Variants in FMN1 observed in about 807,000 individuals in gnomAD.
FMN1 encodes formin-1.
In FMN1, 110 loss-of-function variants were observed where a neutral mutation model predicts 132.4. The observed-to-expected ratio is 0.83, with a 90% CI of 0.71 to 0.97. The LOEUF is 0.97. Ranked by LOEUF, FMN1 falls within the 50% of genes least tolerant of loss-of-function variation. The probability of loss-of-function intolerance (pLI) is 0.00; values close to 1 mark genes in which losing one functional copy is unlikely to be tolerated. For missense variants in FMN1, 1,792 were observed against 1,705.3 expected, an observed-to-expected ratio of 1.05 and a Z score of -0.90; for synonymous variants, 722 against 651.7, an observed-to-expected ratio of 1.11 and a Z score of -1.64.
intron 7 of FMN1, among the ~76,000 whole-genome samples, chr15:32,983,413 G>A (rs909478148): frequency 6.6e-6 from 1 of 152,176 alleles, no homozygotes; most frequent in African/African-American, 2.4e-5. Context: ...TAATGGAAAT[G>A]TTCTACATCC....
intron 6 of FMN1, among the ~76,000 whole-genome samples, chr15:33,013,687 TAAG>T (rs747246944): frequency 1.3e-5 from 2 of 152,192 alleles, no homozygotes; most frequent in African/African-American, 4.8e-5. Flanking sequence ...ATTCATAAAA[TAAG>T]AAGCAGAAAG....
In FMN1 at chr15:32,769,776, T is replaced by C. The variant is rs567212505; in HGVS notation, c.*4534A>G. 4 of 152,350 alleles carry C rather than the reference T, an allele frequency of 2.6e-5. No homozygotes were observed. The East Asian group carries it at 5.8e-4, about 22-fold the overall frequency. 9.4% of individuals were successfully genotyped at this position (152,350 alleles called of 1,614,324 possible). A position where few individuals can be genotyped will look rare whatever the true frequency, so the allele number is the denominator to read the frequency against. The stretch of plus-strand genomic sequence containing the variant: ...TGCAGATTTCTTTATGAGGTCAAAG[T>C]AGCAGACATGAATGAAAGTTCACTT... On this transcript the variant is annotated 3_prime_UTR_variant, in exon 21 of 21. Coordinates refer to ENST00000616417, the MANE Select transcript of FMN1 (RefSeq NM_001277313.2).
intron 7 of FMN1, among the ~76,000 whole-genome samples, chr15:32,972,152 T>C (rs1471166510): frequency 6.6e-6 from 1 of 152,180 alleles, no homozygotes; most frequent in African/African-American, 2.4e-5. Context: ...GTAAGTGCTA[T>C]TTCAGTTTGC....
chr15:33,005,057 G>A (rs547690573), intron 7 of FMN1, among the ~76,000 whole-genome samples: 3 of 152,234 alleles, frequency 2.0e-5, no homozygotes, highest in African/African-American at 7.2e-5. Context: ...GGGTAGCGGG[G>A]AGGGATAGCA....
chr15:33,082,048 TG>T (rs879630429), intron 5 of FMN1, among the ~76,000 whole-genome samples: 2,729 of 139,690 alleles, frequency 0.02, 33 homozygotes, highest in Non-Finnish European at 0.03. Flanking sequence ...TGTGTGTGTG[TG>T]TGTGTAAGAC....
At chr15:32,840,398 C>G (rs920517038) in intron 17 of FMN1, among the ~76,000 whole-genome samples, 5 of 152,180 alleles carry the variant, frequency 3.3e-5, no homozygotes, top group Middle Eastern at 6.3e-3. Context: ...CTCTATTTTT[C>G]CCTTCTCACT....
At chr15:33,165,387 T>C (rs930017582) in intron 3 of FMN1, among the ~76,000 whole-genome samples, 10 of 152,188 alleles carry the variant, frequency 6.6e-5, no homozygotes, top group African/African-American at 2.4e-4. Flanking sequence ...GGGGTTTAAG[T>C]AGGTTTTTCT....
intron 7 of FMN1, among the ~76,000 whole-genome samples, chr15:32,994,228 T>A (rs201850607): frequency 8.9e-5 from 3 of 33,746 alleles, no homozygotes; most frequent in Admixed American, 5.8e-4. Context: ...TCTCTCTCTC[T>A]CTCTCACACA....
intron 19 of FMN1, among the ~76,000 whole-genome samples, chr15:32,785,219 T>TATATATATATATA (rs1491354596): frequency 1.6e-4 from 2 of 12,288 alleles, no homozygotes; most frequent in Non-Finnish European, 2.2e-4. Flanking sequence ...TATATATATA[T>TATATATATATATA]TTTTTTTTTT....
intron 15 of FMN1, among the ~76,000 whole-genome samples, chr15:32,893,607 A>G (rs2060084885): frequency 6.6e-6 from 1 of 152,238 alleles, no homozygotes. Context: ...CTAACCAAAA[A>G]AGTCATCACT....
intron 15 of FMN1, among the ~76,000 whole-genome samples, chr15:32,898,213 A>C (rs146982598): frequency 6.6e-6 from 1 of 152,346 alleles, no homozygotes; most frequent in Non-Finnish European, 1.5e-5. Flanking sequence ...TTACTTTGAG[A>C]CTTTTACTAT....
intron 6 of FMN1, among the ~76,000 whole-genome samples, chr15:33,011,018 GTT>G (rs1185398351): frequency 1.3e-5 from 2 of 150,758 alleles, no homozygotes; most frequent in African/African-American, 4.9e-5. Context: ...TTTGAGTTTT[GTT>G]TTGTTTGAAT....
chr15:32,969,616 AAG>A, intron 7 of FMN1, 139 bp from the exon 8 acceptor site: 1 of 1,040,956 alleles, frequency 9.6e-7, no homozygotes. Flanking sequence ...ACATTCTTTT[AAG>A]AATCCATAAA....
Position 33,078,234 on chromosome 15 carries a change from C to G in FMN1, c.2043+10565G>C, listed in dbSNP as rs1287926256. On this transcript the variant is annotated intron_variant, in intron 5 of 20. Transcript: ENST00000616417. ...TAGAATAGTTCAAGAATTAAATGTG[C>G]TAATATTCTTAACCAAGTGCTTGCT... Among the ~76,000 whole-genome samples the G allele has an allele frequency of 2.0e-5, 3 of 152,096 alleles. No homozygotes were observed. In the East Asian group the frequency reaches 5.8e-4, roughly 29 times the overall value.
intron 3 of FMN1, among the ~76,000 whole-genome samples, chr15:33,160,414 A>G (rs1172051545): frequency 6.6e-6 from 1 of 152,210 alleles, no homozygotes; most frequent in East Asian, 1.9e-4. Flanking sequence ...AACCCTCTAG[A>G]GTGTTCCATG....
intron 17 of FMN1, among the ~76,000 whole-genome samples, chr15:32,815,779 G>A (rs2058042202): frequency 6.6e-6 from 1 of 152,158 alleles, no homozygotes; most frequent in African/African-American, 2.4e-5. Context: ...GGTGGTGGTG[G>A]TAATGATGGT....
chr15:32,971,771 A>G (rs2031815187), intron 7 of FMN1, among the ~76,000 whole-genome samples: 1 of 152,180 alleles, frequency 6.6e-6, no homozygotes, highest in Non-Finnish European at 1.5e-5. Context: ...TTCCCTAATA[A>G]GGGAAATATT....
intron 5 of FMN1, chr15:33,066,948 GC>G: frequency 6.2e-7 from 1 of 1,613,924 alleles, no homozygotes; most frequent in Non-Finnish European, 8.5e-7. Flanking sequence ...TTCTGCACAG[GC>G]TGCGTCAATT....
intron 5 of FMN1, among the ~76,000 whole-genome samples, chr15:33,070,723 T>C (rs1296087792): frequency 6.6e-6 from 1 of 152,170 alleles, no homozygotes; most frequent in Non-Finnish European, 1.5e-5. Flanking sequence ...AGAAGGTAAC[T>C]TGCCAAACTT....
Sources: gnomAD v4.1 joint callset for allele counts (sites outside exome capture counted in the v4.1 genomes callset) on GRCh38, gnomAD v4.1.1 for gene constraint, MANE v1.5 for transcripts, NCBI Gene and HGNC (gene_info 2026-07-23, HGNC 2026-07-21) for gene names.